DNAJC1: variants seen among roughly 807,000 people sequenced by gnomAD.
DNAJC1 encodes the protein DnaJ heat shock protein family (Hsp40) member C1, also known as dnaJ homolog subfamily C member 1.
Under a neutral mutation model 76.6 loss-of-function variants are expected in DNAJC1, and 58 were observed. The ratio of observed to expected loss-of-function variants is 0.76; its 90% CI spans 0.61 to 0.94. The LOEUF (loss-of-function observed/expected upper bound fraction) is 0.94. Among genes scored for constraint, DNAJC1 ranks in the 40% least tolerant of loss-of-function variants. DNAJC1 has a pLI of 0.00. For missense variants in DNAJC1, 689 were observed against 677.3 expected, an observed-to-expected ratio of 1.02 and a Z score of -0.19; for synonymous variants, 258 against 267.9, an observed-to-expected ratio of 0.96 and a Z score of 0.36.
At chr10:21,845,226 G>A (rs189756536) in intron 8 of DNAJC1, among the ~76,000 whole-genome samples, 11 of 152,140 alleles carry the variant, frequency 7.2e-5, no homozygotes, top group East Asian at 1.9e-4. Flanking sequence ...TGTTTGTCTC[G>A]TGTGCCATTG....
At chr10:21,797,080 G>C (rs1179360653) in intron 9 of DNAJC1, among the ~76,000 whole-genome samples, 1 of 151,972 alleles carries the variant, frequency 6.6e-6, no homozygotes, top group Non-Finnish European at 1.5e-5. Context: ...ATGGCTTCAG[G>C]TCTTACAGTT....
In DNAJC1 at chr10:21,900,296, T is replaced by C. The variant is rs376519461; in HGVS notation, c.820+4226A>G. Reference sequence around the variant, plus strand: ...AGGCGGAGGTTGCAGTGAGCCAACATTGCGCCACTGCACTTGAGCCTGGGT... The same window carrying C: ...AGGCGGAGGTTGCAGTGAGCCAACACTGCGCCACTGCACTTGAGCCTGGGT... On this transcript the variant is annotated intron_variant, in intron 7 of 11. Transcript: ENST00000376980. Among the ~76,000 whole-genome samples, 4 of 151,632 alleles carry C rather than the reference T, an allele frequency of 2.6e-5. No homozygotes were observed. The East Asian group carries it at 7.8e-4, about 30-fold the overall frequency.
At chr10:21,888,750 A>T (rs1290719033) in intron 7 of DNAJC1, among the ~76,000 whole-genome samples, 1 of 152,120 alleles carries the variant, frequency 6.6e-6, no homozygotes, top group Non-Finnish European at 1.5e-5. Context: ...ACAAAGAAGG[A>T]AACAAAAGAC....
chr10:21,879,803 A>G (rs1434703447), intron 8 of DNAJC1, among the ~76,000 whole-genome samples: 1 of 152,180 alleles, frequency 6.6e-6, no homozygotes, highest in East Asian at 1.9e-4. Context: ...TTCTATTGGT[A>G]GAGGGTCTTG....
At chr10:21,895,657 G>A (rs1283007242) in intron 7 of DNAJC1, among the ~76,000 whole-genome samples, 1 of 152,100 alleles carries the variant, frequency 6.6e-6, no homozygotes, top group African/African-American at 2.4e-5. Context: ...CAAGGGTGTC[G>A]CCAAGCAAAC....
At chr10:21,867,701 T>C (rs1255009799) in intron 8 of DNAJC1, among the ~76,000 whole-genome samples, 1 of 152,066 alleles carries the variant, frequency 6.6e-6, no homozygotes, top group Non-Finnish European at 1.5e-5. Flanking sequence ...AGAACCTCAT[T>C]ATATGCTCAT....
chr10:21,834,502 C>A (rs1050280364), intron 8 of DNAJC1, among the ~76,000 whole-genome samples: 1 of 152,146 alleles, frequency 6.6e-6, no homozygotes, highest in Non-Finnish European at 1.5e-5. Flanking sequence ...GCACCGTACG[C>A]GAGCCGAAGC....
intron 1 of DNAJC1, among the ~76,000 whole-genome samples, chr10:21,994,912 TTATATTATATATACTTATATATTAA>T (rs1196365754): frequency 8.1e-5 from 12 of 148,290 alleles, no homozygotes; most frequent in Admixed American, 7.4e-4. Flanking sequence ...TTATATATAT[TTATATTATATATACTTATATATTAA>T]TATATTATAT....
At chr10:21,982,711 C>T (rs1439223443) in intron 1 of DNAJC1, among the ~76,000 whole-genome samples, 1 of 145,730 alleles carries the variant, frequency 6.9e-6, no homozygotes, top group Admixed American at 6.8e-5. Flanking sequence ...ATTAGGATAG[C>T]TATCATAAAA....
chr10:21,769,241 A>T (rs528035535), intron 9 of DNAJC1, among the ~76,000 whole-genome samples: 1 of 152,348 alleles, frequency 6.6e-6, no homozygotes, highest in Admixed American at 6.5e-5. Context: ...TTGGAATGCC[A>T]GTCTCATAGA....
chr10:21,784,045 G>C (rs1356897832), intron 9 of DNAJC1, among the ~76,000 whole-genome samples: 10 of 152,168 alleles, frequency 6.6e-5, no homozygotes, highest in Non-Finnish European at 1.5e-4. Flanking sequence ...AGCCAAAATT[G>C]ACAAATGGGA....
intron 10 of DNAJC1, among the ~76,000 whole-genome samples, chr10:21,762,663 G>A (rs1277543534): frequency 6.6e-6 from 1 of 152,070 alleles, no homozygotes; most frequent in Non-Finnish European, 1.5e-5. Flanking sequence ...AGGCTGGAGT[G>A]CAGTGGTGTG....
Position 21,920,743 on chromosome 10 carries a change from A to G in DNAJC1, c.537+55T>C, listed in dbSNP as rs1440113756. On this transcript the variant is annotated intron_variant, in intron 4 of 11. Transcript: ENST00000376980. The stretch of plus-strand genomic sequence containing the variant: ...TCATCAGTTGAAAAATAAATGTCCA[A>G]AATTCCATATAAAATTAAGGAGGCT... The G allele has an allele frequency of 3.3e-6, 5 of 1,501,230 alleles. No homozygotes were observed. In the African/African-American group the frequency reaches 5.6e-5, roughly 17 times the overall value. 93.0% of individuals were successfully genotyped at this position (1,501,230 alleles called of 1,614,324 possible). A position where few individuals can be genotyped will look rare whatever the true frequency, so the allele number is the denominator to read the frequency against.
chr10:21,831,674 C>T (rs1835358174), intron 8 of DNAJC1, among the ~76,000 whole-genome samples: 1 of 151,210 alleles, frequency 6.6e-6, no homozygotes, highest in Non-Finnish European at 1.5e-5. Flanking sequence ...CCTGTAGTCC[C>T]AGCTACTCAG....
chr10:21,839,188 G>A (rs997225302), intron 8 of DNAJC1, among the ~76,000 whole-genome samples: 5 of 152,138 alleles, frequency 3.3e-5, no homozygotes, highest in African/African-American at 7.2e-5. Flanking sequence ...ACAATTAAAA[G>A]AACTAGAAAA....
At position 21,772,271 on chromosome 10, in the gene DNAJC1, C is replaced by CTTTTTTTTTTTTTTTTTTTTTTTTTTTTT. The variant is rs398045895; in HGVS notation, c.1099-5963_1099-5962insAAAAAAAAAAAAAAAAAAAAAAAAAAAAA. On this transcript the variant is annotated intron_variant, in intron 9 of 11. Transcript: ENST00000376980. Reference sequence around the variant, plus strand: ...GAGATGAGAAATATTCACCCCTCTTCTTTTTTTTTTTTTTTTTTTTTTGAG... The same window carrying CTTTTTTTTTTTTTTTTTTTTTTTTTTTTT: ...GAGATGAGAAATATTCACCCCTCTTCTTTTTTTTTTTTTTTTTTTTTTTTTTTTTTTTTTTTTTTTTTTTTTTTTTTGAG... Among the ~76,000 whole-genome samples the CTTTTTTTTTTTTTTTTTTTTTTTTTTTTT allele has an allele frequency of 3.2e-5, 3 of 93,044 alleles. 1 individual carries two copies. Among genetic ancestry groups the CTTTTTTTTTTTTTTTTTTTTTTTTTTTTT allele is most frequent in the African/African-American group, 8.6e-5 (2 of 23,346 alleles). 61.0% of individuals were successfully genotyped at this position (93,044 alleles called of 152,430 possible).
rs917859861 is a variant in DNAJC1, at chr10:21,991,592, C to G, written c.222+11621G>C. Reference sequence around the variant, plus strand: ...AATACGAAAACTACAAACTATGTCCCTAACAAAATGGAAACAATAGTCAGT... The same window carrying G: ...AATACGAAAACTACAAACTATGTCCGTAACAAAATGGAAACAATAGTCAGT... On this transcript the variant is annotated intron_variant, in intron 1 of 11. Transcript: ENST00000376980. Among the ~76,000 whole-genome samples, 64 of 152,244 alleles carry G rather than the reference C, an allele frequency of 4.2e-4. No individual in the cohort carries two copies. In the Middle Eastern group the frequency reaches 0.01, roughly 24 times the overall value.
intron 9 of DNAJC1, among the ~76,000 whole-genome samples, chr10:21,792,629 G>A (rs1178691481): frequency 6.6e-6 from 1 of 151,888 alleles, no homozygotes; most frequent in Non-Finnish European, 1.5e-5. Context: ...CATAGTGGCA[G>A]GCGCCTGGAA....
In DNAJC1 at chr10:21,874,974, G is replaced by A. The variant is rs573713465; in HGVS notation, c.978+7308C>T. Among the ~76,000 whole-genome samples, 709 of 152,096 alleles carry A rather than the reference G, an allele frequency of 4.7e-3. 2 individuals carry two copies. Among genetic ancestry groups the A allele is most frequent in the Middle Eastern group, 0.02 (6 of 294 alleles). On this transcript the variant is annotated intron_variant, in intron 8 of 11. Coordinates refer to ENST00000376980, the MANE Select transcript of DNAJC1 (RefSeq NM_022365.4). ...TGGCTCACTACAACCTCTGCCTCCCGGGTTCAAGCGATTCTTTTGCCTCAG... is the reference window on the plus strand; with the variant it reads ...TGGCTCACTACAACCTCTGCCTCCCAGGTTCAAGCGATTCTTTTGCCTCAG...
Sources: gnomAD v4.1 joint callset for allele counts (sites outside exome capture counted in the v4.1 genomes callset) on GRCh38, gnomAD v4.1.1 for gene constraint, MANE v1.5 for transcripts, NCBI Gene and HGNC (gene_info 2026-07-23, HGNC 2026-07-21) for gene names.